EIF4A1: variants seen among roughly 807,000 people sequenced by gnomAD.
EIF4A1 encodes the protein eukaryotic translation initiation factor 4A1.
Under a neutral mutation model 53.5 loss-of-function variants are expected in EIF4A1, and 11 were observed. The ratio of observed to expected loss-of-function variants is 0.21; its 90% CI spans 0.13 to 0.34. EIF4A1 has a LOEUF of 0.34. Among genes scored for constraint, EIF4A1 ranks in the 10% least tolerant of loss-of-function variants. EIF4A1 has a pLI of 1.00. For synonymous variants in EIF4A1, 237 were observed against 186.7 expected (o/e 1.27, Z -2.20); for missense variants, 213 against 530.8 (o/e 0.40, Z 5.88).
At position 7,575,002 on chromosome 17, in the gene EIF4A1, T is replaced by G. The variant is rs2071382073; in HGVS notation, c.206-117T>G. The stretch of plus-strand genomic sequence containing the variant: ...GTAACTGTGTTGATTGGGAAGGTAG[T>G]TTGTGAGCCATGAAATGCTTGGTTC... On this transcript the variant is annotated intron_variant, in intron 3 of 10. Transcript: ENST00000293831. 5.0e-6 allele frequency: 7 copies of G among 1,403,172 alleles called. No homozygotes were observed. The East Asian group carries it at 1.6e-4, about 32-fold the overall frequency. 86.9% of individuals were successfully genotyped at this position (1,403,172 alleles called of 1,614,324 possible).
At position 7,573,287 on chromosome 17, in the gene EIF4A1, C is replaced by T. The variant is rs886380553; in HGVS notation, c.23+423C>T. On this transcript the variant is annotated intron_variant, in intron 1 of 10. Coordinates refer to ENST00000293831, the MANE Select transcript of EIF4A1 (RefSeq NM_001416.4). ...GTTCCGGAGCATTCTGACGGTACCACTCGCGAGAGGCGGGGGTGCCTGGTC... is the reference window on the plus strand; with the variant it reads ...GTTCCGGAGCATTCTGACGGTACCATTCGCGAGAGGCGGGGGTGCCTGGTC... 4.6e-5 allele frequency: 14 copies of T among 302,218 alleles called. No homozygotes were observed. In the East Asian group the frequency reaches 7.8e-4, roughly 17 times the overall value. 18.7% of individuals were successfully genotyped at this position (302,218 alleles called of 1,614,324 possible).
At chr17:7,578,296 G>C (rs371566879) in intron 10 of EIF4A1, 46 bp from the exon 11 acceptor site, 9 of 1,610,614 alleles carry the variant, frequency 5.6e-6, no homozygotes, top group East Asian at 2.2e-5. Flanking sequence ...GGCCCTCCCT[G>C]GGCTTAAAGC....
At chr17:7,575,053 C>T (rs1478082271) in intron 3 of EIF4A1, 66 bp from the exon 4 acceptor site, 2 of 1,594,570 alleles carry the variant, frequency 1.3e-6, no homozygotes, top group East Asian at 2.2e-5. Flanking sequence ...ACCTCATTAA[C>T]CTAGGACTTG....
At chr17:7,576,884 C>A in intron 5 of EIF4A1, 172 bp from the exon 6 acceptor site, 1 of 1,328,266 alleles carries the variant, frequency 7.5e-7, no homozygotes, top group South Asian at 1.2e-5. Flanking sequence ...CAGTGTCCTA[C>A]TTCCCAGGGC....
intron 4 of EIF4A1, chr17:7,575,574 CAG>C (rs1358687012): frequency 6.7e-6 from 3 of 450,938 alleles, no homozygotes; most frequent in South Asian, 2.0e-5. Context: ...TTACAGTAGT[CAG>C]AGCAGATGGA....
chr17:7,574,751 G>A (rs2071377394), intron 3 of EIF4A1, 73 bp downstream of exon 3: 2 of 1,603,238 alleles, frequency 1.2e-6, no homozygotes, highest in Non-Finnish European at 1.7e-6. Context: ...GGTTGGTGAT[G>A]CCCATCTCAT....
intron 2 of EIF4A1, 118 bp from the exon 3 acceptor site, chr17:7,574,428 A>T: frequency 1.2e-6 from 2 of 1,603,540 alleles, no homozygotes; most frequent in Non-Finnish European, 1.7e-6. Context: ...CCCTAAAGGG[A>T]GGAGGGTTGT....
chr17:7,574,961 A>G (rs1431707224), intron 3 of EIF4A1, 158 bp from the exon 4 acceptor site: 1 of 1,133,042 alleles, frequency 8.8e-7, no homozygotes, highest in African/African-American at 1.5e-5. Flanking sequence ...CTTGTTTCTG[A>G]TCTGGTTCCC....
chr17:7,577,684 G>C lies in EIF4A1; in HGVS notation c.884G>C (p.Arg295Pro). 1 of 1,613,092 alleles carries C rather than the reference G, an allele frequency of 6.2e-7. No homozygotes were observed. The highest frequency in any genetic ancestry group is 8.5e-7 in the Non-Finnish European group (1 of 1,179,922). Residue 295 changes from arginine to proline, a missense_variant, in exon 8 of 11, where the codon CGA (arginine) becomes CCA (proline). By Grantham distance (103) the Arg-to-Pro change is moderately radical. Coordinates refer to ENST00000293831, the MANE Select transcript of EIF4A1 (RefSeq NM_001416.4). This position sits in a 1 kb window ranked among gnomAD's most constrained non-coding sequence, Gnocchi z 4.7. ...TGGCTCACCGAGAAGATGCATGCTC[G>C]AGATTTCACTGTATCCGCCATGGTG... ...VDWLTEKMHA[R>P]DFTVSAMHGD...
intron 1 of EIF4A1, chr17:7,574,031 T>A: frequency 1.8e-6 from 1 of 563,170 alleles, no homozygotes. Flanking sequence ...TCAGAAAGGG[T>A]CACCCCCTTA....
chr17:7,578,693 C>T lies in EIF4A1; in HGVS notation c.*207C>T, dbSNP rs981921212. 2.5e-5 allele frequency: 9 copies of T among 353,902 alleles called. No homozygotes were observed. In the Admixed American group the frequency reaches 3.3e-4, roughly 13 times the overall value. The allele number at this position is 353,902 out of a possible 1,614,324, so 21.9% of individuals were successfully genotyped here. A position where few individuals can be genotyped will look rare whatever the true frequency, so the allele number is the denominator to read the frequency against. On this transcript the variant is annotated 3_prime_UTR_variant, in exon 11 of 11. Transcript: ENST00000293831. ...TAGGCTCTTGCCCCAGGCGCCGGCT[C>T]TTCTCCCAAAAAAAAAAAAAAAACA...
chr17:7,578,008 A>C, intron 9 of EIF4A1, 92 bp downstream of exon 9: 1 of 1,580,752 alleles, frequency 6.3e-7, no homozygotes, highest in Non-Finnish European at 8.7e-7. Context: ...GGAAAGTAGC[A>C]GCTTGGAATA....
At chr17:7,573,676 G>C (rs1401868851) in intron 1 of EIF4A1, 1 of 155,190 alleles carries the variant, frequency 6.4e-6, no homozygotes, top group Non-Finnish European at 1.4e-5. Flanking sequence ...CCCTCCCCCA[G>C]TCTGCTTCGC....
At position 7,576,199 on chromosome 17, in the gene EIF4A1, A is replaced by G. The variant is rs977602063; in HGVS notation, c.346-325A>G. The G allele has an allele frequency of 1.4e-5, 3 of 215,854 alleles. No homozygotes were observed. In the East Asian group the frequency reaches 3.1e-4, roughly 22 times the overall value. 13.4% of individuals were successfully genotyped at this position (215,854 alleles called of 1,614,324 possible). A position where few individuals can be genotyped will look rare whatever the true frequency, so the allele number is the denominator to read the frequency against. On this transcript the variant is annotated intron_variant, in intron 4 of 10. Transcript: ENST00000293831. ...AGAAAAAAAAAATGGTTGCTGCGTGATGAGGCAGTTGGTCAAATTAGTTTT... is the reference window on the plus strand; with the variant it reads ...AGAAAAAAAAAATGGTTGCTGCGTGGTGAGGCAGTTGGTCAAATTAGTTTT...
intron 1 of EIF4A1, chr17:7,573,859 C>T (rs1302236051): frequency 5.6e-6 from 1 of 178,328 alleles, no homozygotes; most frequent in Non-Finnish European, 1.2e-5. Context: ...ATGTCCTACC[C>T]TCCGATCTGG....
Position 7,572,846 on chromosome 17 carries a change from C to T in EIF4A1, c.5C>T (p.Ser2Phe), listed in dbSNP as rs139517056. 8 of 1,614,178 alleles carry T rather than the reference C, an allele frequency of 5.0e-6. No homozygotes were observed. The highest frequency in any genetic ancestry group is 2.2e-5 in the East Asian group (1 of 44,886). ...CCGCCCTAGTTTCTAAGGATCATGT[C>T]TGCGAGCCAGGATTCCCGGTAAGAA... M[S>F]ASQDSRSRDN... The change falls in exon 1 of 11, where the codon TCT (serine) becomes TTT (phenylalanine). Residue 2 changes from serine to phenylalanine, a missense_variant. By Grantham distance (155) the Ser-to-Phe change is radical. This residue lies in a region of EIF4A1 where 53 missense variants were observed against 34.0 expected (regional missense o/e 1.56). Transcript: ENST00000293831.
rs1054126029 is a variant in EIF4A1 at position 7,578,615 on chromosome 17, T to A, written c.*129T>A. The A allele has an allele frequency of 5.2e-6, 6 of 1,158,152 alleles. No homozygotes were observed. Among genetic ancestry groups the A allele is most frequent in the African/African-American group, 1.6e-5 (1 of 63,852 alleles). 71.7% of individuals were successfully genotyped at this position (1,158,152 alleles called of 1,614,324 possible). A position where few individuals can be genotyped will look rare whatever the true frequency, so the allele number is the denominator to read the frequency against. On this transcript the variant is annotated 3_prime_UTR_variant, in exon 11 of 11. Coordinates refer to ENST00000293831, the MANE Select transcript of EIF4A1 (RefSeq NM_001416.4). ...TTTTTTTCTTTGAATAAATGTCACT[T>A]TTTGAGGCAAAAGAAGGAACCGTGA...
chr17:7,576,323 G>A (rs1597850172), intron 4 of EIF4A1: 1 of 556,264 alleles, frequency 1.8e-6, no homozygotes, highest in Non-Finnish European at 3.0e-6. Flanking sequence ...ACCAGACTGA[G>A]TTGAAATCCT....
At chr17:7,576,118 G>C (rs2071398272) in intron 4 of EIF4A1, 1 of 156,640 alleles carries the variant, frequency 6.4e-6, no homozygotes, top group Non-Finnish European at 1.4e-5. Flanking sequence ...GCAGTGAGCT[G>C]AGATTGTGCC....
Sources: allele counts gnomAD v4.1 joint callset, GRCh38; gene constraint gnomAD v4.1.1; regional missense constraint gnomAD v4.1.1; non-coding constraint Gnocchi (gnomAD v3.1); transcripts MANE v1.5; gene names NCBI Gene and HGNC (gene_info 2026-07-23, HGNC 2026-07-21).